GABRG3: variants seen among roughly 807,000 people sequenced by gnomAD.
GABRG3 encodes gamma-aminobutyric acid receptor subunit gamma-3.
In GABRG3, 25 loss-of-function variants were observed where a neutral mutation model predicts 48.8. That is an observed-to-expected ratio of 0.51 (90% confidence interval 0.37 to 0.72). GABRG3 has a LOEUF of 0.72. Among genes scored for constraint, GABRG3 ranks in the 30% least tolerant of loss-of-function variants. The pLI, the probability that GABRG3 is intolerant of heterozygous loss-of-function variation, is 0.00. For synonymous variants in GABRG3, 227 were observed against 217.6 expected (o/e 1.04, Z -0.38); for missense variants, 394 against 577.9 (o/e 0.68, Z 3.26).
chr15:27,155,504 A>G (rs554529579), intron 3 of GABRG3, among the ~76,000 whole-genome samples: 157 of 152,192 alleles, frequency 1.0e-3, no homozygotes, highest in Non-Finnish European at 1.2e-3. Flanking sequence ...TGAAAACTGA[A>G]CATTTCAGAT....
intron 5 of GABRG3, among the ~76,000 whole-genome samples, chr15:27,415,580 G>A (rs12908934): frequency 0.018 from 2,729 of 152,126 alleles, 38 homozygotes; most frequent in Non-Finnish European, 0.028. Context: ...TGATGAATGC[G>A]CCACCATCTC....
chr15:27,128,431 G>C (rs1255665067), intron 3 of GABRG3, among the ~76,000 whole-genome samples: 1 of 152,116 alleles, frequency 6.6e-6, no homozygotes, highest in East Asian at 1.9e-4. Flanking sequence ...TGTCCAGAAG[G>C]CTTAGTTTTG....
At chr15:27,472,179 A>G (rs556546848) in intron 5 of GABRG3, among the ~76,000 whole-genome samples, 11 of 152,148 alleles carry the variant, frequency 7.2e-5, no homozygotes, top group African/African-American at 2.6e-4. Flanking sequence ...TTTTAAGTTT[A>G]TGCCTGGGTA....
intron 3 of GABRG3, among the ~76,000 whole-genome samples, chr15:27,245,301 G>A: frequency 6.6e-6 from 1 of 152,160 alleles, no homozygotes; most frequent in East Asian, 1.9e-4. Flanking sequence ...CAAGGGGCCT[G>A]CTTTCTCACT....
chr15:27,448,131 A>C (rs1888998075), intron 5 of GABRG3, among the ~76,000 whole-genome samples: 1 of 152,162 alleles, frequency 6.6e-6, no homozygotes, highest in Admixed American at 6.5e-5. Context: ...TTTTTTTTAA[A>C]AAAAGGACAA....
At chr15:27,271,520 C>T (rs1024303007) in intron 3 of GABRG3, 19 of 455,450 alleles carry the variant, frequency 4.2e-5, no homozygotes, top group East Asian at 7.0e-5. Flanking sequence ...CCCCAGGCCA[C>T]GCCCTTTAGG....
intron 5 of GABRG3, among the ~76,000 whole-genome samples, chr15:27,423,996 T>C (rs1450355422): frequency 2.0e-5 from 3 of 152,158 alleles, no homozygotes; most frequent in Non-Finnish European, 4.4e-5. Context: ...TAAATGTCAG[T>C]AGTGCTCAAC....
At chr15:27,282,244 C>G (rs557791991) in intron 3 of GABRG3, among the ~76,000 whole-genome samples, 1 of 152,306 alleles carries the variant, frequency 6.6e-6, no homozygotes, top group East Asian at 1.9e-4. Context: ...GCTTCTTTAA[C>G]TGTAGGTTAA....
intron 3 of GABRG3, among the ~76,000 whole-genome samples, chr15:27,104,331 C>T (rs748517555): frequency 1.3e-5 from 2 of 152,226 alleles, no homozygotes; most frequent in Non-Finnish European, 2.9e-5. Context: ...GTGCTGTTGC[C>T]TTCCAGAGGC....
At chr15:27,295,405 G>A (rs931289545) in intron 3 of GABRG3, among the ~76,000 whole-genome samples, 1 of 152,052 alleles carries the variant, frequency 6.6e-6, no homozygotes, top group African/African-American at 2.4e-5. Context: ...CAAAAGCACG[G>A]GCTGGGCTTC....
chr15:27,270,344 T>C (rs933618433), intron 3 of GABRG3, among the ~76,000 whole-genome samples: 2 of 152,144 alleles, frequency 1.3e-5, no homozygotes, highest in South Asian at 4.1e-4. Flanking sequence ...TTGGTGTTGG[T>C]GTGGAGCTTG....
In GABRG3 at chr15:27,031,697, G is replaced by T. The variant is rs1896089838; in HGVS notation, c.270+4876G>T. Reference sequence around the variant, plus strand: ...CATGAGGCCTCTCAACCCTATCTCTGCTCCATTCCACTTGTGGCTGAAGCT... The same window carrying T: ...CATGAGGCCTCTCAACCCTATCTCTTCTCCATTCCACTTGTGGCTGAAGCT... On this transcript the variant is annotated intron_variant, in intron 3 of 9. Coordinates refer to ENST00000615808, the MANE Select transcript of GABRG3 (RefSeq NM_033223.5). Among the ~76,000 whole-genome samples, 3 of 152,124 alleles carry T rather than the reference G, an allele frequency of 2.0e-5. No individual in the cohort carries two copies. In the South Asian group the frequency reaches 6.2e-4, roughly 32 times the overall value.
rs560917762 is a variant in GABRG3, at chr15:27,341,095, G to A, written c.574+12207G>A. The A allele has an allele frequency of 3.8e-5, 14 of 365,928 alleles. No homozygotes were observed. In the East Asian group the frequency reaches 5.4e-4, roughly 14 times the overall value. 22.7% of individuals were successfully genotyped at this position (365,928 alleles called of 1,614,324 possible). On this transcript the variant is annotated intron_variant, in intron 5 of 9. Coordinates refer to ENST00000615808, the MANE Select transcript of GABRG3 (RefSeq NM_033223.5). The stretch of plus-strand genomic sequence containing the variant: ...AGTTAGCCAGGTCAGCAACTCTTCC[G>A]AGTATTTATTATCTAGTTCCAGATT...
chr15:27,308,301 C>G (rs191166337), intron 3 of GABRG3, among the ~76,000 whole-genome samples: 1 of 106,878 alleles, frequency 9.4e-6, no homozygotes, highest in South Asian at 2.8e-4. Context: ...ATATAAACAT[C>G]ATATAAACAT....
At chr15:27,510,317 T>C (rs1339852626) in intron 6 of GABRG3, among the ~76,000 whole-genome samples, 1 of 142,646 alleles carries the variant, frequency 7.0e-6, no homozygotes, top group Non-Finnish European at 1.5e-5. Context: ...CTTCTGCAGA[T>C]GTAATGATGT....
At chr15:27,511,338 G>A (rs1000051415) in intron 6 of GABRG3, among the ~76,000 whole-genome samples, 4 of 152,168 alleles carry the variant, frequency 2.6e-5, no homozygotes, top group Non-Finnish European at 5.9e-5. Flanking sequence ...CAGTCTAGAG[G>A]AGCATCCCTG....
At chr15:26,998,864 T>C (rs1895388815) in intron 2 of GABRG3, among the ~76,000 whole-genome samples, 1 of 152,216 alleles carries the variant, frequency 6.6e-6, no homozygotes, top group Non-Finnish European at 1.5e-5. Context: ...AGTTTTTTGA[T>C]TGAATGTTTC....
At chr15:27,315,461 A>G (rs1893180989) in intron 3 of GABRG3, among the ~76,000 whole-genome samples, 1 of 152,224 alleles carries the variant, frequency 6.6e-6, no homozygotes, top group Non-Finnish European at 1.5e-5. Context: ...ATATGTAACC[A>G]TTGCAGTAGA....
intron 1 of GABRG3, 107 bp downstream of exon 1, chr15:26,971,695 C>A: frequency 7.9e-7 from 1 of 1,273,774 alleles, no homozygotes; most frequent in South Asian, 1.7e-5. Context: ...GGCTGGGCTG[C>A]GGCACGGCGG....
Sources: allele counts gnomAD v4.1 joint callset (sites outside exome capture counted in the v4.1 genomes callset), GRCh38; gene constraint gnomAD v4.1.1; transcripts MANE v1.5; gene names NCBI Gene and HGNC (gene_info 2026-07-23, HGNC 2026-07-21).